The following ZNF713 variants were observed in gnomAD, a reference collection of about 807,000 sequenced individuals.
ZNF713 encodes the protein zinc finger protein 713.
A neutral mutation model predicts 28.7 loss-of-function variants in ZNF713; 21 were observed. That is an observed-to-expected ratio of 0.73 (90% CI 0.52 to 1.05). The LOEUF is 1.05. Ranked by LOEUF, ZNF713 falls within the 50% of genes least tolerant of loss-of-function variation. The pLI, the probability that ZNF713 is intolerant of heterozygous loss-of-function variation, is 0.00. For missense variants in ZNF713, 458 were observed against 532.4 expected (o/e 0.86, Z 1.37); for synonymous variants, 167 against 178.0 (o/e 0.94, Z 0.49).
rs1785677240 is a variant in ZNF713, at chr7:55,906,290, C to G, written c.-545C>G. 6.6e-6 allele frequency: 1 copy of G among 152,174 alleles called. No homozygotes were observed. The highest frequency in any genetic ancestry group is 2.4e-5 in the African/African-American group (1 of 41,436). 9.4% of individuals were successfully genotyped at this position (152,174 alleles called of 1,614,324 possible). The stretch of plus-strand genomic sequence containing the variant: ...GGCCTAAGGAGGCAGGATTGAGTGA[C>G]TCTCACTCACCACTGGTGTTGCTCT... On this transcript the variant is annotated 5_prime_UTR_variant, in exon 2 of 7. Transcript: ENST00000429591.
At chr7:55,927,534 AG>A (rs1786120270) in intron 6 of ZNF713, among the ~76,000 whole-genome samples, 1 of 151,956 alleles carries the variant, frequency 6.6e-6, no homozygotes, top group Non-Finnish European at 1.5e-5. Context: ...AAAAAGCAAA[AG>A]AATTGTTCTA....
At chr7:55,898,364 C>A (rs10269190) in intron 1 of ZNF713, among the ~76,000 whole-genome samples, 68,323 of 152,070 alleles carry the variant, frequency 0.45, 15,667 homozygotes, top group East Asian at 0.58. Flanking sequence ...CTCACTGCTA[C>A]TGAAGAACTA....
chr7:55,914,573 GAC>G (rs1287506206), intron 4 of ZNF713, among the ~76,000 whole-genome samples: 1 of 152,184 alleles, frequency 6.6e-6, no homozygotes, highest in African/African-American at 2.4e-5. Context: ...GAATGCAAAA[GAC>G]AACAAATACA....
chr7:55,913,872 G>C (rs926353043), intron 4 of ZNF713, among the ~76,000 whole-genome samples: 7 of 152,150 alleles, frequency 4.6e-5, no homozygotes, highest in African/African-American at 1.7e-4. Flanking sequence ...AGCACTTTGG[G>C]AGGCTGAGGT....
At chr7:55,893,434 G>A (rs1396882253) in intron 1 of ZNF713, among the ~76,000 whole-genome samples, 3 of 152,138 alleles carry the variant, frequency 2.0e-5, no homozygotes, top group Admixed American at 6.5e-5. Context: ...GACCACTCTA[G>A]AATGAGGATC....
At chr7:55,927,484 C>G (rs754234576) in intron 6 of ZNF713, among the ~76,000 whole-genome samples, 6 of 152,084 alleles carry the variant, frequency 3.9e-5, no homozygotes, top group Non-Finnish European at 7.4e-5. Flanking sequence ...GATGGCACCA[C>G]TGCACTCCAG....
intron 6 of ZNF713, among the ~76,000 whole-genome samples, chr7:55,938,182 C>A (rs368953223): frequency 6.6e-6 from 1 of 151,560 alleles, no homozygotes; most frequent in African/African-American, 2.4e-5. Context: ...CCAGCCTGGG[C>A]GATAGAGTGA....
intron 1 of ZNF713, among the ~76,000 whole-genome samples, chr7:55,904,893 AT>A (rs1218730250): frequency 6.6e-6 from 1 of 151,990 alleles, no homozygotes; most frequent in Non-Finnish European, 1.5e-5. Flanking sequence ...CACCCGGCTA[AT>A]TTTTGTACTT....
At chr7:55,913,671 G>A (rs1785829729) in intron 4 of ZNF713, among the ~76,000 whole-genome samples, 1 of 152,148 alleles carries the variant, frequency 6.6e-6, no homozygotes, top group Non-Finnish European at 1.5e-5. Flanking sequence ...CTACCTCACT[G>A]AAGAAAAATC....
intron 1 of ZNF713, among the ~76,000 whole-genome samples, chr7:55,892,336 C>T (rs149512060): frequency 2.8e-4 from 41 of 145,322 alleles, no homozygotes; most frequent in East Asian, 1.2e-3. Context: ...GATTTGTGTT[C>T]GTGCCATACA....
intron 1 of ZNF713, among the ~76,000 whole-genome samples, chr7:55,892,277 CAAAAAAAAAAAAA>C (rs71561974): frequency 3.0e-4 from 18 of 60,510 alleles, no homozygotes; most frequent in Admixed American, 4.7e-4. Context: ...GACTCCATCT[CAAAAAAAAAAAAA>C]AAAAAAAAAA....
rs1383388043 is a variant in ZNF713 at position 55,939,843 on chromosome 7, G to T, written c.1169G>T (p.Arg390Ile). The change falls in exon 7 of 7, where the codon AGA (arginine) becomes ATA (isoleucine). Residue 390 changes from arginine to isoleucine, a missense_variant. Transcript: ENST00000429591. ...SQRTHLNQHE[R>I]THTGEKPYKC... The stretch of plus-strand genomic sequence containing the variant: ...AGGACACATCTGAATCAACATGAAA[G>T]AACTCATACAGGAGAGAAACCCTAT... 1.2e-6 allele frequency: 2 copies of T among 1,614,142 alleles called. No individual in the cohort carries two copies. Among genetic ancestry groups the T allele is most frequent in the Admixed American group, 1.7e-5 (1 of 60,014 alleles).
chr7:55,923,312 C>T, intron 5 of ZNF713, 24 bp downstream of exon 5: 3 of 1,590,706 alleles, frequency 1.9e-6, no homozygotes, highest in Non-Finnish European at 2.6e-6. Flanking sequence ...CCCTGTGAAA[C>T]CGGAAGCCGT....
At chr7:55,893,899 A>G (rs1785430421) in intron 1 of ZNF713, among the ~76,000 whole-genome samples, 1 of 152,126 alleles carries the variant, frequency 6.6e-6, no homozygotes, top group African/African-American at 2.4e-5. Flanking sequence ...TGTTTCTATG[A>G]CCTGCCTTGG....
At chr7:55,923,355 C>G (rs1786031023) in intron 5 of ZNF713, 67 bp downstream of exon 5, 4 of 1,542,030 alleles carry the variant, frequency 2.6e-6, no homozygotes. Context: ...CTAGTAGAAG[C>G]CTGCAAAGTT....
chr7:55,893,045 G>T (rs1382599387), intron 1 of ZNF713, among the ~76,000 whole-genome samples: 1 of 151,778 alleles, frequency 6.6e-6, no homozygotes, highest in Non-Finnish European at 1.5e-5. Context: ...ACCACGCCCG[G>T]CTAATTTTTT....
chr7:55,939,909 A>G lies in ZNF713; in HGVS notation c.1235A>G (p.His412Arg). The change falls in exon 7 of 7, where the codon CAC becomes CGC. Residue 412 changes from histidine (H) to arginine (R), a missense_variant. Physicochemically the swap from His to Arg is conservative, Grantham distance 29. Coordinates refer to ENST00000429591, the MANE Select transcript of ZNF713 (RefSeq NM_182633.3). ...ECGKAFSQSA[H>R]LNQHRKIHTR... ...GGGAAAGCCTTTAGCCAGAGTGCAC[A>G]CCTTAATCAACACAGGAAAATCCAT... 1 of 1,614,112 alleles carries G rather than the reference A, an allele frequency of 6.2e-7. No individual in the cohort carries two copies. Among genetic ancestry groups the G allele is most frequent in the Non-Finnish European group, 8.5e-7 (1 of 1,179,978 alleles).
chr7:55,892,859 G>T (rs914693406), intron 1 of ZNF713, among the ~76,000 whole-genome samples: 78 of 129,948 alleles, frequency 6.0e-4, no homozygotes, highest in African/African-American at 2.4e-3. Context: ...CAACAAGAGT[G>T]AAATTGTTTG....
rs144288211 is a variant in ZNF713 at position 55,937,383 on chromosome 7, C to T, written c.308-1599C>T. Among the ~76,000 whole-genome samples, 512 of 151,672 alleles carry T rather than the reference C, an allele frequency of 3.4e-3. 5 individuals are homozygous for T. Among genetic ancestry groups the T allele is most frequent in the African/African-American group, 0.011 (470 of 41,316 alleles). On this transcript the variant is annotated intron_variant, in intron 6 of 6. Transcript: ENST00000429591. Reference sequence around the variant, plus strand: ...AGGGGCGAGCAGGGAAGTAGTTAAGCGGGGAAAGAAGCAAGAGAGTAGAGG... The same window carrying T: ...AGGGGCGAGCAGGGAAGTAGTTAAGTGGGGAAAGAAGCAAGAGAGTAGAGG...
Sources: gnomAD v4.1 joint callset for allele counts (sites outside exome capture counted in the v4.1 genomes callset) on GRCh38, gnomAD v4.1.1 for gene constraint, MANE v1.5 for transcripts, NCBI Gene and HGNC (gene_info 2026-07-23, HGNC 2026-07-21) for gene names.